The following SLC24A2 variants were observed in gnomAD, a reference collection of about 807,000 sequenced individuals.
SLC24A2 encodes the protein solute carrier family 24 member 2.
SLC24A2 carries 36 observed loss-of-function variants against 62.0 expected under a neutral mutation model. The observed-to-expected ratio is 0.58, with a 90% CI of 0.44 to 0.77. The LOEUF (loss-of-function observed/expected upper bound fraction) is 0.77, where lower values mean the gene tolerates loss of function less well. Ranked by LOEUF, SLC24A2 falls within the 30% of genes least tolerant of loss-of-function variation. The probability of loss-of-function intolerance (pLI) is 0.00; values close to 1 mark genes in which losing one functional copy is unlikely to be tolerated. For missense variants in SLC24A2, 846 were observed against 817.9 expected (o/e 1.03, Z -0.42); for synonymous variants, 358 against 294.0 (o/e 1.22, Z -2.23).
At chr9:20,207,289 T>C in the SLC24A2 span, among the ~76,000 whole-genome samples, 4 of 152,228 alleles carry the variant, frequency 2.6e-5, no homozygotes, top group African/African-American at 9.6e-5. Flanking sequence ...TTCTTTCACA[T>C]GCCTTTTAAG....
chr9:20,226,631 A>G, the SLC24A2 span, among the ~76,000 whole-genome samples: 26 of 151,960 alleles, frequency 1.7e-4, no homozygotes, highest in Admixed American at 6.6e-5. Flanking sequence ...TCTTGGCTAT[A>G]ATATAGACCT....
the SLC24A2 span, among the ~76,000 whole-genome samples, chr9:20,179,350 C>T: frequency 6.6e-6 from 1 of 152,084 alleles, no homozygotes. Context: ...ATGAGAAGTC[C>T]CACATGCCCC....
chr9:20,240,798 T>G, the SLC24A2 span, among the ~76,000 whole-genome samples: 1 of 152,142 alleles, frequency 6.6e-6, no homozygotes, highest in Admixed American at 6.5e-5. Context: ...AGAGGTTACC[T>G]AGAGTACAAA....
rs1010470235 is a variant in SLC24A2, at chr9:19,717,316, C to T, written c.930+68621G>A. On this transcript the variant is annotated intron_variant, in intron 2 of 10. Transcript: ENST00000341998. ...ATGTTAGATCACAAAGAGAGATACA[C>T]TAAGGTTCCACAGGAAGAAGATGCC... Among the ~76,000 whole-genome samples, 21 of 152,276 alleles carry T rather than the reference C, an allele frequency of 1.4e-4. 1 individual carries two copies. The highest frequency in any genetic ancestry group is 4.6e-4 in the African/African-American group (19 of 41,546).
At chr9:20,131,881 T>C in the SLC24A2 span, among the ~76,000 whole-genome samples, 3 of 152,158 alleles carry the variant, frequency 2.0e-5, no homozygotes, top group Non-Finnish European at 2.9e-5. Flanking sequence ...GTTAATCTGA[T>C]GTATGTAGCT....
the SLC24A2 span, among the ~76,000 whole-genome samples, chr9:19,934,558 A>C: frequency 6.6e-6 from 1 of 152,044 alleles, no homozygotes; most frequent in Admixed American, 6.5e-5. This position sits in a 1 kb window ranked among gnomAD's most constrained non-coding sequence, Gnocchi z 4.1. Flanking sequence ...GGGGCTCCGG[A>C]GCCTCCTGCG....
chr9:19,941,265 C>G, the SLC24A2 span, among the ~76,000 whole-genome samples: 2 of 152,100 alleles, frequency 1.3e-5, no homozygotes, highest in African/African-American at 4.8e-5. Context: ...AAATAAATCT[C>G]CAAGGCCAAC....
At chr9:20,137,263 A>G in the SLC24A2 span, among the ~76,000 whole-genome samples, 39 of 152,320 alleles carry the variant, frequency 2.6e-4, no homozygotes, top group Admixed American at 1.0e-3. Flanking sequence ...TATTTAAAAG[A>G]TCACTTGCAT....
intron 2 of SLC24A2, among the ~76,000 whole-genome samples, chr9:19,757,321 C>T (rs141072091): frequency 1.6e-3 from 244 of 152,184 alleles, no homozygotes; most frequent in African/African-American, 5.6e-3. Context: ...CAGCAAAATA[C>T]ATGGCTGTAT....
intron 9 of SLC24A2, 27 bp downstream of exon 9, chr9:19,528,022 A>T: frequency 7.3e-7 from 1 of 1,372,466 alleles, no homozygotes; most frequent in Non-Finnish European, 1.0e-6. Flanking sequence ...AAAACAAGGC[A>T]GAGGCATGTC....
chr9:20,172,235 T>C, the SLC24A2 span, among the ~76,000 whole-genome samples: 3 of 152,000 alleles, frequency 2.0e-5, no homozygotes, highest in African/African-American at 4.8e-5. Flanking sequence ...TAGCCCTAAA[T>C]GCCTACATCA....
chr9:19,991,595 A>AC, the SLC24A2 span, among the ~76,000 whole-genome samples: 1 of 152,162 alleles, frequency 6.6e-6, no homozygotes, highest in East Asian at 1.9e-4. Context: ...GTGCCTTGAA[A>AC]CATATCTACC....
chr9:19,861,214 C>T, the SLC24A2 span, among the ~76,000 whole-genome samples: 1 of 152,192 alleles, frequency 6.6e-6, no homozygotes, highest in African/African-American at 2.4e-5. Context: ...TCACTCCACC[C>T]TCAGCTCCAG....
chr9:20,072,566 A>C, the SLC24A2 span, among the ~76,000 whole-genome samples: 1,237 of 152,250 alleles, frequency 8.1e-3, 21 homozygotes, highest in African/African-American at 0.028. Context: ...TCATAATATC[A>C]CATATCAAAA....
At chr9:20,084,613 A>G in the SLC24A2 span, among the ~76,000 whole-genome samples, 17 of 151,036 alleles carry the variant, frequency 1.1e-4, no homozygotes, top group Non-Finnish European at 2.2e-4. Flanking sequence ...CCCAGACACC[A>G]CTGGGTAACA....
chr9:19,981,994 T>C, the SLC24A2 span, among the ~76,000 whole-genome samples: 1 of 152,098 alleles, frequency 6.6e-6, no homozygotes, highest in African/African-American at 2.4e-5. Flanking sequence ...AGCGTGTCTT[T>C]AAAATGTCTA....
chr9:20,223,954 C>T, the SLC24A2 span, among the ~76,000 whole-genome samples: 1 of 120,518 alleles, frequency 8.3e-6, no homozygotes, highest in African/African-American at 2.7e-5. Flanking sequence ...AAGCAAGTAC[C>T]TTCTTCACGT....
chr9:20,200,755 T>C, the SLC24A2 span, among the ~76,000 whole-genome samples: 2 of 152,226 alleles, frequency 1.3e-5, no homozygotes, highest in Non-Finnish European at 2.9e-5. Flanking sequence ...TGGCATTGAC[T>C]TCAGAGCTTA....
intron 2 of SLC24A2, among the ~76,000 whole-genome samples, chr9:19,653,082 CG>C (rs1196098519): frequency 2.0e-5 from 3 of 152,188 alleles, no homozygotes; most frequent in Non-Finnish European, 2.9e-5. Context: ...TGGCTCACCT[CG>C]GGCTGCCTCA....
Sources: allele counts gnomAD v4.1 joint callset (sites outside exome capture counted in the v4.1 genomes callset), GRCh38; gene constraint gnomAD v4.1.1; non-coding constraint Gnocchi (gnomAD v3.1); transcripts MANE v1.5; gene names NCBI Gene and HGNC (gene_info 2026-07-23, HGNC 2026-07-21).